The following EYS variants were observed in gnomAD, a reference collection of about 807,000 sequenced individuals.
The protein encoded by EYS is protein eyes shut homolog.
Under a neutral mutation model 282.1 loss-of-function variants are expected in EYS, and 250 were observed. The ratio of observed to expected loss-of-function variants is 0.89; its 90% CI spans 0.80 to 0.98. The LOEUF (loss-of-function observed/expected upper bound fraction) is 0.98. Ranked by LOEUF, EYS falls within the 50% of genes least tolerant of loss-of-function variation. EYS has a pLI of 0.00. For synonymous variants in EYS, 1,355 were observed against 1,282.9 expected, an observed-to-expected ratio of 1.06 and a Z score of -1.20; for missense variants, 4,016 against 3,709.0, an observed-to-expected ratio of 1.08 and a Z score of -2.15.
chr6:65,687,612 C>A (rs1036204800), intron 1 of EYS, among the ~76,000 whole-genome samples: 2 of 151,962 alleles, frequency 1.3e-5, no homozygotes, highest in Non-Finnish European at 2.9e-5. Context: ...AAATAAAGGG[C>A]ATTCAATTAG....
intron 37 of EYS, among the ~76,000 whole-genome samples, chr6:63,804,598 A>G (rs1342217171): frequency 3.3e-5 from 5 of 152,158 alleles, no homozygotes. Flanking sequence ...CTTGGTGGTT[A>G]AGGCACTGGA....
chr6:65,626,510 G>GA (rs1398351444), intron 2 of EYS, among the ~76,000 whole-genome samples: 1 of 152,152 alleles, frequency 6.6e-6, no homozygotes, highest in Non-Finnish European at 1.5e-5. Flanking sequence ...TACAGGGATA[G>GA]ATACAATGAA....
chr6:65,369,325 TATA>T (rs1765045728), intron 8 of EYS, among the ~76,000 whole-genome samples: 2 of 143,298 alleles, frequency 1.4e-5, no homozygotes, highest in Non-Finnish European at 3.0e-5. Flanking sequence ...ATTATATATA[TATA>T]TTTATATATA....
intron 13 of EYS, among the ~76,000 whole-genome samples, chr6:65,021,590 C>T (rs1772255595): frequency 6.6e-6 from 1 of 152,194 alleles, no homozygotes; most frequent in Non-Finnish European, 1.5e-5. Context: ...TTTTTCTGAG[C>T]CATCAAAACT....
chr6:64,181,813 T>C (rs1404177677), intron 31 of EYS, among the ~76,000 whole-genome samples: 1 of 152,170 alleles, frequency 6.6e-6, no homozygotes, highest in East Asian at 1.9e-4. Context: ...TTTCTAAGGG[T>C]TAGAAAATTA....
intron 2 of EYS, among the ~76,000 whole-genome samples, chr6:65,569,813 C>G (rs993256511): frequency 1.3e-5 from 2 of 152,182 alleles, no homozygotes; most frequent in Non-Finnish European, 2.9e-5. Flanking sequence ...AAGATCCAGT[C>G]TCTGAATTGG....
At chr6:63,858,390 T>C (rs974703271) in intron 36 of EYS, among the ~76,000 whole-genome samples, 1 of 152,198 alleles carries the variant, frequency 6.6e-6, no homozygotes, top group African/African-American at 2.4e-5. Context: ...AACTGAAATG[T>C]GTACACTGAA....
intron 11 of EYS, among the ~76,000 whole-genome samples, chr6:65,324,324 A>T (rs1368915555): frequency 6.6e-6 from 1 of 152,186 alleles, no homozygotes; most frequent in African/African-American, 2.4e-5. Context: ...TCCAGGCCCA[A>T]AACAGATCCT....
chr6:65,511,798 C>T (rs944169796), intron 2 of EYS, among the ~76,000 whole-genome samples: 1 of 151,920 alleles, frequency 6.6e-6, no homozygotes, highest in Middle Eastern at 3.4e-3. Context: ...ACTAAAAATA[C>T]ACAAACTAGC....
intron 30 of EYS, among the ~76,000 whole-genome samples, chr6:64,276,947 T>A (rs1280381572): frequency 6.6e-6 from 1 of 152,232 alleles, no homozygotes; most frequent in Non-Finnish European, 1.5e-5. Context: ...AGCCAAAAAA[T>A]TTAGTGCTCA....
At chr6:64,642,109 G>C (rs1050239410) in intron 22 of EYS, among the ~76,000 whole-genome samples, 10 of 152,146 alleles carry the variant, frequency 6.6e-5, no homozygotes, top group Admixed American at 3.9e-4. Context: ...GCATCATCAA[G>C]CTGCTGAAAG....
intron 22 of EYS, among the ~76,000 whole-genome samples, chr6:64,704,451 A>T (rs2349989): frequency 1.7e-5 from 2 of 119,588 alleles, no homozygotes; most frequent in African/African-American, 3.2e-5. Context: ...CTATATTATA[A>T]TATAATTATA....
At chr6:63,945,726 A>G (rs1249787406) in intron 35 of EYS, among the ~76,000 whole-genome samples, 31 of 152,166 alleles carry the variant, frequency 2.0e-4, no homozygotes, top group Admixed American at 2.0e-3. Flanking sequence ...CTTATATCTC[A>G]GTCTGTTTAC....
intron 31 of EYS, among the ~76,000 whole-genome samples, chr6:64,127,229 T>G (rs1179188581): frequency 1.3e-5 from 2 of 152,182 alleles, no homozygotes; most frequent in Admixed American, 6.5e-5. Flanking sequence ...AGATTCAACA[T>G]TAGTTACATG....
chr6:65,624,406 T>C (rs1166923128), intron 2 of EYS, among the ~76,000 whole-genome samples: 2 of 152,154 alleles, frequency 1.3e-5, no homozygotes, highest in Non-Finnish European at 2.9e-5. Flanking sequence ...GATTAGACAG[T>C]TTCAGTCTAA....
chr6:63,965,514 AG>A (rs1766264814), intron 35 of EYS, among the ~76,000 whole-genome samples: 3 of 152,224 alleles, frequency 2.0e-5, no homozygotes, highest in African/African-American at 7.2e-5. Flanking sequence ...CCCTTTGACA[AG>A]CACCCAGGTA....
chr6:65,009,090 G>T (rs186999892), intron 13 of EYS, among the ~76,000 whole-genome samples: 41 of 152,246 alleles, frequency 2.7e-4, no homozygotes, highest in African/African-American at 9.4e-4. Flanking sequence ...CCCGTTGGTT[G>T]TCCCCTGCTT....
At chr6:65,428,526 T>C (rs998251820) in intron 5 of EYS, among the ~76,000 whole-genome samples, 7 of 151,888 alleles carry the variant, frequency 4.6e-5, no homozygotes, top group Admixed American at 6.6e-5. Context: ...TTTAGCAATA[T>C]TGAGGTTAAG....
At chr6:63,800,401 T>C (rs1346147928) in intron 37 of EYS, among the ~76,000 whole-genome samples, 1 of 152,218 alleles carries the variant, frequency 6.6e-6, no homozygotes, top group Non-Finnish European at 1.5e-5. Flanking sequence ...CAGCCACTAT[T>C]GATATAAAAG....
Sources: gnomAD v4.1 joint callset for allele counts (sites outside exome capture counted in the v4.1 genomes callset) on GRCh38, gnomAD v4.1.1 for gene constraint, MANE v1.5 for transcripts, NCBI Gene and HGNC (gene_info 2026-07-23, HGNC 2026-07-21) for gene names.